HSDL1: variants seen among roughly 807,000 people sequenced by gnomAD.
HSDL1 encodes inactive hydroxysteroid dehydrogenase-like protein 1.
In HSDL1, 29 loss-of-function variants were observed where a neutral mutation model predicts 31.5. The observed-to-expected ratio is 0.92, with a 90% CI of 0.69 to 1.26. The LOEUF is 1.26. Among genes scored for constraint, HSDL1 ranks in the 50% most tolerant of loss-of-function variants. The pLI is 0.00. For missense variants in HSDL1, 503 were observed against 416.6 expected, an observed-to-expected ratio of 1.21 and a Z score of -1.81; for synonymous variants, 222 against 155.2, an observed-to-expected ratio of 1.43 and a Z score of -3.20.
At chr16:84,126,579 G>A (rs953687149) in intron 5 of HSDL1, among the ~76,000 whole-genome samples, 1 of 152,196 alleles carries the variant, frequency 6.6e-6, no homozygotes, top group Admixed American at 6.5e-5. Context: ...CCGAATGAAA[G>A]TTCTAACACC....
intron 5 of HSDL1, among the ~76,000 whole-genome samples, chr16:84,127,135 A>T (rs981890681): frequency 1.3e-5 from 2 of 151,176 alleles, no homozygotes; most frequent in Non-Finnish European, 2.9e-5. Flanking sequence ...TTCTAAGACT[A>T]CTTTTTAGGT....
intron 5 of HSDL1, among the ~76,000 whole-genome samples, chr16:84,127,209 C>CT (rs71148881): frequency 0.026 from 2,379 of 93,162 alleles, 113 homozygotes; most frequent in African/African-American, 0.051. Context: ...ACTGTTTCTT[C>CT]TTTTTTTTTT....
At chr16:84,130,706 C>G (rs1319046950) in intron 3 of HSDL1, among the ~76,000 whole-genome samples, 1 of 152,208 alleles carries the variant, frequency 6.6e-6, no homozygotes, top group Non-Finnish European at 1.5e-5. Flanking sequence ...TTTCAAACTA[C>G]TATCTGGCTT....
chr16:84,132,536 G>C (rs905847133), intron 2 of HSDL1, among the ~76,000 whole-genome samples: 1 of 152,194 alleles, frequency 6.6e-6, no homozygotes, highest in African/African-American at 2.4e-5. Flanking sequence ...CAACTCTGTT[G>C]AGTGTCCACA....
At chr16:84,129,401 T>A in intron 5 of HSDL1, 147 bp downstream of exon 5, 4 of 654,902 alleles carry the variant, frequency 6.1e-6, no homozygotes, top group Non-Finnish European at 1.0e-5. Context: ...GAAAGAAAAT[T>A]TAGTGTCTTA....
rs779248045 is a variant in HSDL1 at position 84,131,341 on chromosome 16, GA to G, written c.-6-15del. 3.2e-5 allele frequency: 49 copies of G among 1,537,992 alleles called. No homozygotes were observed. The Admixed American group carries it at 4.0e-4, about 13-fold the overall frequency. On this transcript the variant is annotated splice_polypyrimidine_tract_variant and intron_variant, in intron 2 of 5. Coordinates refer to ENST00000219439, the MANE Select transcript of HSDL1 (RefSeq NM_031463.5). ...AGCCATGGCAACCTGCAGGGAGAGGGAAAGAGAGAGAGCCTCTTTGATTAAT... is the reference window on the plus strand; with the variant it reads ...AGCCATGGCAACCTGCAGGGAGAGGGAAGAGAGAGAGCCTCTTTGATTAAT...
chr16:84,143,205 C>G lies in HSDL1; in HGVS notation c.-69+1875G>C, dbSNP rs560743810. Among the ~76,000 whole-genome samples, 7 of 152,304 alleles carry G rather than the reference C, an allele frequency of 4.6e-5. No individual in the cohort carries two copies. The East Asian group carries it at 1.3e-3, about 29-fold the overall frequency. ...AGAAGGCAGAAACAAACAAAATGTCCATCAACAAATGAATGAATAAGCAAA... is the reference window on the plus strand; with the variant it reads ...AGAAGGCAGAAACAAACAAAATGTCGATCAACAAATGAATGAATAAGCAAA... On this transcript the variant is annotated intron_variant, in intron 1 of 5. Transcript: ENST00000219439.
In HSDL1 at chr16:84,129,603, AC is replaced by A; in HGVS notation, c.838del (p.Val280PhefsTer70). On this transcript the variant is annotated frameshift_variant, in exon 5 of 6. Transcript: ENST00000219439. LOFTEE classifies it high-confidence loss of function. ...CCTTTTGGAAATCCCAAGAGTAGAA[AC>A]AGCATGATGTGCATAGACTTTTGGC... is the stretch of plus-strand genomic sequence containing the variant. ...PSPKVYAHHA[V>X]STLGISKRTT... 1 of 1,614,186 alleles carries A rather than the reference AC, an allele frequency of 6.2e-7. No individual in the cohort carries two copies. The highest frequency in any genetic ancestry group is 8.5e-7 in the Non-Finnish European group (1 of 1,180,028).
At chr16:84,131,718 G>A (rs1208182759) in intron 2 of HSDL1, among the ~76,000 whole-genome samples, 1 of 148,436 alleles carries the variant, frequency 6.7e-6, no homozygotes, top group African/African-American at 2.5e-5. Context: ...TCTCGCTGTC[G>A]CCCAGGCTGG....
At chr16:84,130,603 C>T (rs1212317930) in intron 3 of HSDL1, among the ~76,000 whole-genome samples, 172 bp from the exon 4 acceptor site, 1 of 152,098 alleles carries the variant, frequency 6.6e-6, no homozygotes, top group Non-Finnish European at 1.5e-5. Context: ...ATGTGAAGGG[C>T]GCATGCTATA....
intron 1 of HSDL1, among the ~76,000 whole-genome samples, chr16:84,141,945 T>A (rs1455020013): frequency 6.6e-6 from 1 of 152,226 alleles, no homozygotes; most frequent in East Asian, 1.9e-4. Context: ...TTATTATTAT[T>A]GAGACAAGGT....
rs372361520 is a variant in HSDL1, at chr16:84,124,163, T to A, written c.*467A>T. The A allele has an allele frequency of 3.1e-4, 50 of 163,318 alleles. No homozygotes were observed. In the South Asian group the frequency reaches 8.2e-3, roughly 27 times the overall value. The allele number at this position is 163,318 out of a possible 1,614,324, so 10.1% of individuals were successfully genotyped here. On this transcript the variant is annotated 3_prime_UTR_variant, in exon 6 of 6. Transcript: ENST00000219439. The stretch of plus-strand genomic sequence containing the variant: ...GCTAGAGCTATACAATACACACAGA[T>A]TTTTCCTAATAGTACCAGCAATCTT...
Position 84,131,027 on chromosome 16 carries a change from C to T in HSDL1, c.220+75G>A. 4 of 1,173,884 alleles carry T rather than the reference C, an allele frequency of 3.4e-6. No individual in the cohort carries two copies. In the South Asian group the frequency reaches 4.3e-5, roughly 13 times the overall value. 72.7% of individuals were successfully genotyped at this position (1,173,884 alleles called of 1,614,324 possible). A position where few individuals can be genotyped will look rare whatever the true frequency, so the allele number is the denominator to read the frequency against. On this transcript the variant is annotated intron_variant, in intron 3 of 5. Coordinates refer to ENST00000219439, the MANE Select transcript of HSDL1 (RefSeq NM_031463.5). ...TCAGCATGTTCCCATAAAAACACCA[C>T]ATTAAATTCAATAGCTCCTTGAATA...
rs1384103876 is a variant in HSDL1, at chr16:84,129,732, G to A, written c.710C>T (p.Ala237Val). ...HFSRALQYEYASKGIFVQSLI... is the reference protein window; with the variant it reads ...HFSRALQYEYVSKGIFVQSLI... ...ACTCTGTACAAAGATTCCTTTAGAG[G>A]CATATTCATATTGCAAGGCTCTGCT... The change falls in exon 5 of 6, where the codon GCC becomes GTC. Residue 237 changes from alanine to valine, a missense_variant. Transcript: ENST00000219439. The A allele has an allele frequency of 6.2e-7, 1 of 1,614,170 alleles. No homozygotes were observed. The highest frequency in any genetic ancestry group is 8.5e-7 in the Non-Finnish European group (1 of 1,179,996).
At chr16:84,132,994 G>T (rs1217273500) in intron 2 of HSDL1, among the ~76,000 whole-genome samples, 2 of 132,546 alleles carry the variant, frequency 1.5e-5, no homozygotes, top group Non-Finnish European at 3.3e-5. Flanking sequence ...AAAAAAAAAA[G>T]TCTGGATACT....
In HSDL1 at chr16:84,124,658, C is replaced by A. The variant is rs140938654; in HGVS notation, c.965G>T (p.Arg322Leu). The change falls in exon 6 of 6, where the codon CGT (arginine) becomes CTT (leucine). Residue 322 changes from arginine to leucine, a missense_variant. Coordinates refer to ENST00000219439, the MANE Select transcript of HSDL1 (RefSeq NM_031463.5). The part of the protein sequence containing the change: ...WGANILNRSL[R>L]KEALSCTA ...GGCTGTGCAGGATAAGGCTTCCTTA[C>A]GTAGTGAACGGTTGAGAATATTTGC... 4.3e-6 allele frequency: 7 copies of A among 1,613,598 alleles called. No homozygotes were observed. The South Asian group carries it at 7.7e-5, about 18-fold the overall frequency.
At position 84,135,529 on chromosome 16, in the gene HSDL1, C is replaced by T. The variant is rs1234733250; in HGVS notation, c.-7+15G>A. The T allele has an allele frequency of 6.6e-6, 1 of 152,174 alleles. No homozygotes were observed. The highest frequency in any genetic ancestry group is 2.4e-5 in the African/African-American group (1 of 41,436). 9.4% of individuals were successfully genotyped at this position (152,174 alleles called of 1,614,324 possible). On this transcript the variant is annotated intron_variant, in intron 2 of 5. Transcript: ENST00000219439. ...TTTTTCTGCTGTGGTCGTTCCCTGC[C>T]CTGGGGTCTCTTACCTTCTCTCTGC...
In HSDL1 at chr16:84,130,438, T is replaced by A; in HGVS notation, c.221-7A>T. 2 of 1,596,992 alleles carry A rather than the reference T, an allele frequency of 1.3e-6. No homozygotes were observed. The highest frequency in any genetic ancestry group is 1.7e-6 in the Non-Finnish European group (2 of 1,171,520). ...CCAATCCCATCTGTTGCACCTAGGA[T>A]GCAAGTCAGGAAAAGTGAGCATGTG... On this transcript the variant is annotated splice_polypyrimidine_tract_variant and splice_region_variant and intron_variant, in intron 3 of 5. Transcript: ENST00000219439.
chr16:84,135,692 T>C (rs2086705913), intron 1 of HSDL1, 87 bp from the exon 2 acceptor site: 2 of 152,262 alleles, frequency 1.3e-5, no homozygotes, highest in African/African-American at 2.4e-5. Flanking sequence ...AACATCCAAG[T>C]GCTCAAAAAT....
Sources: allele counts gnomAD v4.1 joint callset (sites outside exome capture counted in the v4.1 genomes callset), GRCh38; gene constraint gnomAD v4.1.1; transcripts MANE v1.5; gene names NCBI Gene and HGNC (gene_info 2026-07-23, HGNC 2026-07-21).